The following CNBD1 variants were observed in gnomAD, a reference collection of about 807,000 sequenced individuals.
CNBD1 encodes cyclic nucleotide-binding domain-containing protein 1.
CNBD1 carries 71 observed loss-of-function variants against 54.4 expected under a neutral mutation model. That is an observed-to-expected ratio of 1.30 (90% CI 1.08 to 1.59). The LOEUF (loss-of-function observed/expected upper bound fraction) is 1.59, where lower values mean the gene tolerates loss of function less well. Among genes scored for constraint, CNBD1 ranks in the 40% most tolerant of loss-of-function variants. The probability of loss-of-function intolerance (pLI) is 0.00; values close to 1 mark genes in which losing one functional copy is unlikely to be tolerated. For missense variants in CNBD1, 659 were observed against 518.0 expected, an observed-to-expected ratio of 1.27 and a Z score of -2.64; for synonymous variants, 182 against 170.7, an observed-to-expected ratio of 1.07 and a Z score of -0.51.
At chr8:87,383,980 T>C (rs1233800111), downstream of CNBD1, among the ~76,000 whole-genome samples, 1 of 152,122 alleles carries the variant, frequency 6.6e-6, no homozygotes, top group Non-Finnish European at 1.5e-5. Context: ...GGACTGGTAA[T>C]GATTACAAGA....
intron 4 of CNBD1, among the ~76,000 whole-genome samples, chr8:87,186,547 GAA>G (rs1430396459): frequency 1.3e-5 from 2 of 151,990 alleles, no homozygotes; most frequent in Admixed American, 6.6e-5. Flanking sequence ...ATAAATGAGA[GAA>G]TTCTTCTAAA....
At chr8:87,265,340 G>A (rs1358422410) in intron 6 of CNBD1, among the ~76,000 whole-genome samples, 2 of 151,984 alleles carry the variant, frequency 1.3e-5, no homozygotes, top group Admixed American at 6.6e-5. Context: ...TGAGGGCTCT[G>A]TTCTGTCCCA....
intron 10 of CNBD1, among the ~76,000 whole-genome samples, chr8:87,380,876 T>A (rs567740248): frequency 2.3e-4 from 35 of 152,192 alleles, no homozygotes; most frequent in African/African-American, 8.4e-4. Flanking sequence ...TACCTTGCAC[T>A]GTACTTAATA....
chr8:86,903,406 T>G (rs775740024), intron 2 of CNBD1, among the ~76,000 whole-genome samples: 8 of 152,168 alleles, frequency 5.3e-5, no homozygotes, highest in Non-Finnish European at 1.2e-4. Flanking sequence ...TAGTATAGGC[T>G]GCATATGTCT....
At chr8:87,306,017 A>G (rs184883400) in intron 8 of CNBD1, among the ~76,000 whole-genome samples, 3 of 152,248 alleles carry the variant, frequency 2.0e-5, no homozygotes, top group African/African-American at 7.2e-5. Context: ...CTGACAAAGG[A>G]CTAATATCCA....
chr8:87,121,479 A>G (rs1455195442), intron 4 of CNBD1, among the ~76,000 whole-genome samples: 3 of 151,872 alleles, frequency 2.0e-5, no homozygotes, highest in Non-Finnish European at 4.4e-5. Flanking sequence ...ATTCAAGCCA[A>G]TTGACATATT....
chr8:87,186,853 T>C (rs545878458), intron 4 of CNBD1, among the ~76,000 whole-genome samples: 15 of 152,074 alleles, frequency 9.9e-5, no homozygotes, highest in East Asian at 5.8e-4. Flanking sequence ...GCAAAAGTTA[T>C]GGACAAAAGG....
At chr8:86,908,897 A>G (rs1376576000) in intron 3 of CNBD1, among the ~76,000 whole-genome samples, 1 of 150,746 alleles carries the variant, frequency 6.6e-6, no homozygotes, top group African/African-American at 2.4e-5. Flanking sequence ...TCCTGGGACT[A>G]CAGGCACCCG....
chr8:87,260,115 G>C (rs1808106009), intron 6 of CNBD1, among the ~76,000 whole-genome samples: 1 of 152,146 alleles, frequency 6.6e-6, no homozygotes, highest in South Asian at 2.1e-4. Flanking sequence ...AGCACAGGCT[G>C]GTCTAAATTG....
intron 4 of CNBD1, among the ~76,000 whole-genome samples, chr8:86,958,200 G>C (rs1807829276): frequency 6.6e-6 from 1 of 152,124 alleles, no homozygotes; most frequent in South Asian, 2.1e-4. Flanking sequence ...GAGACAGTTT[G>C]TTATAATTTC....
At chr8:86,927,585 G>A (rs1033020137) in intron 3 of CNBD1, among the ~76,000 whole-genome samples, 1 of 152,150 alleles carries the variant, frequency 6.6e-6, no homozygotes. Context: ...GATGCATAAA[G>A]GGGCTTGGAA....
chr8:87,365,367 G>T (rs1356819918), intron 10 of CNBD1, among the ~76,000 whole-genome samples: 3 of 151,678 alleles, frequency 2.0e-5, no homozygotes, highest in Non-Finnish European at 4.4e-5. Flanking sequence ...TTGTACATTT[G>T]TTTAAGTTAC....
chr8:87,170,893 G>A (rs771259346), intron 4 of CNBD1, among the ~76,000 whole-genome samples: 6 of 151,918 alleles, frequency 3.9e-5, no homozygotes, highest in East Asian at 1.9e-4. Context: ...ATCTTCTTAC[G>A]GTGTTGTTGA....
At chr8:87,006,141 G>A (rs1238630313) in intron 4 of CNBD1, among the ~76,000 whole-genome samples, 3 of 152,124 alleles carry the variant, frequency 2.0e-5, no homozygotes, top group Non-Finnish European at 2.9e-5. Flanking sequence ...GATGGAGCAA[G>A]CATCTCTTTT....
At chr8:86,963,009 A>T (rs1248939976) in intron 4 of CNBD1, among the ~76,000 whole-genome samples, 1 of 152,122 alleles carries the variant, frequency 6.6e-6, no homozygotes, top group Non-Finnish European at 1.5e-5. Context: ...GCAGGCTGAA[A>T]ATGATTCACT....
At position 87,286,560 on chromosome 8, in the gene CNBD1, A is replaced by T; in HGVS notation, c.931A>T (p.Met311Leu). The change falls in exon 8 of 11, where the codon ATG becomes TTG. Residue 311 changes from methionine (M) to leucine (L), a missense_variant. Coordinates refer to ENST00000518476, the MANE Select transcript of CNBD1 (RefSeq NM_173538.3). ...IKEEKIKLEN[M>L]QKLKLIRMCP... is the part of the protein sequence containing the mutation. ...TTAGGAAAAAATAAAACTTGAAAAT[A>T]TGCAAAAGTTGAAATTAATCCGTAT... 1 of 1,449,332 alleles carries T rather than the reference A, an allele frequency of 6.9e-7. No individual in the cohort carries two copies. Among genetic ancestry groups the T allele is most frequent in the Non-Finnish European group, 9.5e-7 (1 of 1,055,696 alleles). The allele number at this position is 1,449,332 out of a possible 1,614,324, so 89.8% of individuals were successfully genotyped here.
chr8:87,342,340 A>G (rs1335684070), intron 8 of CNBD1, among the ~76,000 whole-genome samples: 4 of 151,834 alleles, frequency 2.6e-5, no homozygotes, highest in African/African-American at 4.8e-5. Context: ...CCATGGGAGG[A>G]GTAAGAGTCT....
chr8:86,900,194 G>C (rs527479545), intron 2 of CNBD1, among the ~76,000 whole-genome samples: 4 of 152,108 alleles, frequency 2.6e-5, no homozygotes, highest in Non-Finnish European at 5.9e-5. Context: ...GCATGTGTGC[G>C]TATAAGGTAT....
intron 6 of CNBD1, among the ~76,000 whole-genome samples, chr8:87,260,416 C>G (rs932785913): frequency 2.0e-5 from 3 of 152,094 alleles, no homozygotes; most frequent in African/African-American, 4.8e-5. Context: ...GGCCTAAGCC[C>G]GTATTTTTTC....
Sources: gnomAD v4.1 joint callset for allele counts (sites outside exome capture counted in the v4.1 genomes callset) on GRCh38, gnomAD v4.1.1 for gene constraint, MANE v1.5 for transcripts, NCBI Gene and HGNC (gene_info 2026-07-23, HGNC 2026-07-21) for gene names.